Variants in PLCB4 observed in about 807,000 individuals in gnomAD.
PLCB4 encodes the protein 1-phosphatidylinositol 4,5-bisphosphate phosphodiesterase beta-4.
In PLCB4, 77 loss-of-function variants were observed where a neutral mutation model predicts 178.8. The ratio of observed to expected loss-of-function variants is 0.43; its 90% confidence interval spans 0.36 to 0.52. PLCB4 has a LOEUF of 0.52. Among genes scored for constraint, PLCB4 ranks in the 20% least tolerant of loss-of-function variants. The pLI is 0.00. For missense variants in PLCB4, 1,024 were observed against 1,453.4 expected, an observed-to-expected ratio of 0.70 and a Z score of 4.80; for synonymous variants, 496 against 490.8, an observed-to-expected ratio of 1.01 and a Z score of -0.14.
At chr20:9,078,288 G>A (rs1415496410) in intron 1 of PLCB4, among the ~76,000 whole-genome samples, 1 of 151,342 alleles carries the variant, frequency 6.6e-6, no homozygotes, top group Non-Finnish European at 1.5e-5. Context: ...GCCTGGCTAT[G>A]TTTTTTTGAA....
In PLCB4 at chr20:9,405,365, C is replaced by A; in HGVS notation, c.1647+17C>A. Reference sequence around the variant, plus strand: ...AACAAAAAGGTAACAAAATAATTCCCTTGCACATTTTAAATCAGATGCATC... The same window carrying A: ...AACAAAAAGGTAACAAAATAATTCCATTGCACATTTTAAATCAGATGCATC... On this transcript the variant is annotated intron_variant, in intron 21 of 39. Coordinates refer to ENST00000378473, the MANE Select transcript of PLCB4 (RefSeq NM_001377142.1). 1.4e-6 allele frequency: 2 copies of A among 1,472,634 alleles called. No individual in the cohort carries two copies. Among genetic ancestry groups the A allele is most frequent in the East Asian group, 2.4e-5 (1 of 42,364 alleles). The allele number at this position is 1,472,634 out of a possible 1,614,324, so 91.2% of individuals were successfully genotyped here.
chr20:9,139,804 A>G (rs1307720655), intron 2 of PLCB4, among the ~76,000 whole-genome samples: 1 of 152,012 alleles, frequency 6.6e-6, no homozygotes, highest in African/African-American at 2.4e-5. Context: ...TGAATTGCCT[A>G]TAGCCTCTGT....
intron 3 of PLCB4, among the ~76,000 whole-genome samples, chr20:9,248,785 C>T (rs1309181070): frequency 6.6e-6 from 1 of 152,132 alleles, no homozygotes; most frequent in African/African-American, 2.4e-5. Flanking sequence ...TCTCTCATCC[C>T]CTGCATTAAT....
At chr20:9,431,649 T>TG (rs879594099) in intron 28 of PLCB4, among the ~76,000 whole-genome samples, 7 of 124,348 alleles carry the variant, frequency 5.6e-5, no homozygotes, top group South Asian at 5.4e-4. Context: ...TGTGTGTGTG[T>TG]TTGTGTGTGT....
chr20:9,434,991 C>A (rs990350392), intron 28 of PLCB4, among the ~76,000 whole-genome samples: 38 of 152,278 alleles, frequency 2.5e-4, no homozygotes, highest in African/African-American at 9.1e-4. Context: ...ATTCTACTAT[C>A]TTTTAAGTTC....
chr20:9,467,838 A>G (rs749991247), intron 35 of PLCB4, among the ~76,000 whole-genome samples: 8 of 152,210 alleles, frequency 5.3e-5, no homozygotes, highest in Non-Finnish European at 1.2e-4. Flanking sequence ...CAGTGCTTTC[A>G]ATAGATCTCC....
At chr20:9,367,122 C>T (rs2035854008) in intron 9 of PLCB4, among the ~76,000 whole-genome samples, 1 of 152,196 alleles carries the variant, frequency 6.6e-6, no homozygotes, top group Non-Finnish European at 1.5e-5. Flanking sequence ...CTTGACATTA[C>T]TCTTTTCATA....
intron 27 of PLCB4, among the ~76,000 whole-genome samples, chr20:9,422,637 C>G (rs2040722653): frequency 6.6e-6 from 1 of 152,182 alleles, no homozygotes; most frequent in African/African-American, 2.4e-5. Context: ...ATAGTTCTGG[C>G]ACTAGAAACG....
intron 2 of PLCB4, among the ~76,000 whole-genome samples, chr20:9,137,903 T>G (rs2146852536): frequency 6.6e-6 from 1 of 152,204 alleles, no homozygotes; most frequent in Middle Eastern, 3.4e-3. Flanking sequence ...TGAATGATAT[T>G]TGATCATTGC....
chr20:9,116,166 T>C (rs1208518538), intron 2 of PLCB4, among the ~76,000 whole-genome samples: 1 of 152,014 alleles, frequency 6.6e-6, no homozygotes, highest in Non-Finnish European at 1.5e-5. Context: ...TGTGTGTGTA[T>C]GGCTTCAAAT....
intron 2 of PLCB4, among the ~76,000 whole-genome samples, chr20:9,155,936 G>C (rs2092780467): frequency 6.6e-6 from 1 of 152,122 alleles, no homozygotes; most frequent in Non-Finnish European, 1.5e-5. Flanking sequence ...TGGACAATAA[G>C]TTACGAGTGA....
chr20:9,110,368 C>G (rs115089531), intron 2 of PLCB4, among the ~76,000 whole-genome samples: 1 of 152,116 alleles, frequency 6.6e-6, no homozygotes, highest in East Asian at 1.9e-4. Context: ...ATTATTGTCT[C>G]AGATTCATAA....
intron 28 of PLCB4, among the ~76,000 whole-genome samples, chr20:9,429,453 G>GCAC (rs2041247694): frequency 6.6e-6 from 1 of 152,148 alleles, no homozygotes; most frequent in African/African-American, 2.4e-5. Context: ...TGTCATATTG[G>GCAC]CACCAAAGAA....
chr20:9,195,321 T>C (rs758818168), intron 2 of PLCB4, among the ~76,000 whole-genome samples: 21 of 152,332 alleles, frequency 1.4e-4, no homozygotes, highest in Non-Finnish European at 2.4e-4. Context: ...TGGGCACCTT[T>C]GAGGAGCAAG....
intron 2 of PLCB4, among the ~76,000 whole-genome samples, chr20:9,210,566 G>A (rs1447073030): frequency 6.6e-6 from 1 of 152,180 alleles, no homozygotes; most frequent in Non-Finnish European, 1.5e-5. Context: ...GGGGACAGAT[G>A]CCTCTCAGCT....
At chr20:9,443,922 C>A in intron 30 of PLCB4, 59 bp from the exon 31 acceptor site, 1 of 931,170 alleles carries the variant, frequency 1.1e-6, no homozygotes, top group Non-Finnish European at 1.7e-6. Context: ...TTCTATATTA[C>A]CAGTTATTCT....
chr20:9,241,527 T>C (rs947650554), intron 3 of PLCB4, among the ~76,000 whole-genome samples: 2 of 152,174 alleles, frequency 1.3e-5, no homozygotes, highest in African/African-American at 4.8e-5. Flanking sequence ...TGATAATTGT[T>C]GACCAACACT....
At chr20:9,350,903 G>C (rs13036625) in intron 7 of PLCB4, among the ~76,000 whole-genome samples, 9,686 of 152,210 alleles carry the variant, frequency 0.064, 328 homozygotes, top group Middle Eastern at 0.092. Flanking sequence ...GGCAGGGAGT[G>C]GGGGGAACAG....
chr20:9,424,215 A>G (rs949186176), intron 28 of PLCB4, among the ~76,000 whole-genome samples: 2 of 152,206 alleles, frequency 1.3e-5, no homozygotes, highest in Non-Finnish European at 2.9e-5. Flanking sequence ...ATCAATTTTT[A>G]CAAACACATT....
Sources: allele counts gnomAD v4.1 joint callset (sites outside exome capture counted in the v4.1 genomes callset), GRCh38; gene constraint gnomAD v4.1.1; transcripts MANE v1.5; gene names NCBI Gene and HGNC (gene_info 2026-07-23, HGNC 2026-07-21).